NTRK2: variants seen among roughly 807,000 people sequenced by gnomAD.
The protein encoded by NTRK2 is BDNF/NT-3 growth factors receptor.
In NTRK2, 13 loss-of-function variants were observed where a neutral mutation model predicts 94.5. The ratio of observed to expected loss-of-function variants is 0.14; its 90% CI spans 0.09 to 0.22. The LOEUF (loss-of-function observed/expected upper bound fraction) is 0.22. Ranked by LOEUF, NTRK2 falls within the 10% of genes least tolerant of loss-of-function variation. The pLI, the probability that NTRK2 is intolerant of heterozygous loss-of-function variation, is 1.00. For missense variants in NTRK2, 639 were observed against 1,071.2 expected (o/e 0.60, Z 5.63); for synonymous variants, 372 against 407.4 (o/e 0.91, Z 1.05).
chr9:84,947,063 C>G (rs2586567), intron 15 of NTRK2, among the ~76,000 whole-genome samples: 1 of 151,960 alleles, frequency 6.6e-6, no homozygotes, highest in Non-Finnish European at 1.5e-5. Context: ...TCAAGTGATT[C>G]TTCTACCTCA....
rs562576407 is a variant in NTRK2 at position 84,780,727 on chromosome 9, G to A, written c.1396+28642G>A. 6.6e-5 allele frequency among the ~76,000 whole-genome samples: 10 copies of A among 152,312 alleles called. No homozygotes were observed. The East Asian group carries it at 1.2e-3, about 18-fold the overall frequency. On this transcript the variant is annotated intron_variant, in intron 12 of 18. Coordinates refer to ENST00000277120, the MANE Select transcript of NTRK2 (RefSeq NM_006180.6). ...CTTCAAAGCTACCATCAGGGGTAGC[G>A]AATGGTGCTAGACCTCACTGGTCCA... is the stretch of plus-strand genomic sequence containing the variant.
chr9:84,763,956 T>C (rs2065822500), intron 12 of NTRK2, among the ~76,000 whole-genome samples: 1 of 152,176 alleles, frequency 6.6e-6, no homozygotes, highest in Non-Finnish European at 1.5e-5. Flanking sequence ...CCTCATTCTG[T>C]CTCTGTGTGA....
At chr9:84,729,219 C>T (rs1037211838) in intron 9 of NTRK2, among the ~76,000 whole-genome samples, 1 of 152,166 alleles carries the variant, frequency 6.6e-6, no homozygotes, top group African/African-American at 2.4e-5. Context: ...TTCACTAGAC[C>T]TCTTTTTAAA....
In NTRK2 at chr9:84,749,848, C is replaced by T. The variant is rs116285232; in HGVS notation, c.1297-2138C>T. On this transcript the variant is annotated intron_variant, in intron 11 of 18. Coordinates refer to ENST00000277120, the MANE Select transcript of NTRK2 (RefSeq NM_006180.6). ...TCTTAATCTCTACCCTATAATGCTT[C>T]TCACTATGAGATGGGTATATCAGTC... 8.8e-3 allele frequency among the ~76,000 whole-genome samples: 1,343 copies of T among 152,312 alleles called. 27 individuals carry two copies. The highest frequency in any genetic ancestry group is 0.03 in the African/African-American group (1,253 of 41,572).
At chr9:84,901,059 G>C (rs2076911737) in intron 14 of NTRK2, among the ~76,000 whole-genome samples, 1 of 152,082 alleles carries the variant, frequency 6.6e-6, no homozygotes, top group East Asian at 1.9e-4. Context: ...AAGGAAAATG[G>C]ATAACTACAG....
At chr9:84,875,564 C>T (rs1458140804) in intron 14 of NTRK2, 4 of 1,063,004 alleles carry the variant, frequency 3.8e-6, no homozygotes, top group Non-Finnish European at 4.6e-6. Context: ...TTTCAAAGAG[C>T]CGAGTATGCT....
At chr9:84,939,455 G>C (rs2078329542) in intron 15 of NTRK2, among the ~76,000 whole-genome samples, 1 of 152,158 alleles carries the variant, frequency 6.6e-6, no homozygotes, top group African/African-American at 2.4e-5. Context: ...ATGTGCCCTG[G>C]TGAACCAGAT....
At chr9:84,989,883 T>C (rs1220085867) in intron 17 of NTRK2, among the ~76,000 whole-genome samples, 3 of 152,244 alleles carry the variant, frequency 2.0e-5, no homozygotes, top group Non-Finnish European at 4.4e-5. Flanking sequence ...CTGAGAGTTT[T>C]TTCAAACCCA....
intron 12 of NTRK2, chr9:84,812,918 T>A (rs201422759): frequency 1.9e-6 from 2 of 1,033,026 alleles, no homozygotes; most frequent in Non-Finnish European, 2.3e-6. Flanking sequence ...CAGCAGGCTA[T>A]TAGAAAATTA....
At chr9:84,915,973 A>G (rs528572206) in intron 14 of NTRK2, among the ~76,000 whole-genome samples, 1 of 152,064 alleles carries the variant, frequency 6.6e-6, no homozygotes, top group African/African-American at 2.4e-5. Context: ...GGTTGATACA[A>G]CAGTTTAGAC....
At chr9:84,889,100 C>G (rs971926043) in intron 14 of NTRK2, among the ~76,000 whole-genome samples, 2 of 146,380 alleles carry the variant, frequency 1.4e-5, no homozygotes, top group Non-Finnish European at 3.0e-5. Context: ...ACGCCATTCT[C>G]CTGCCTCAGC....
chr9:85,011,269 T>A (rs972312687), intron 17 of NTRK2, among the ~76,000 whole-genome samples: 1 of 152,094 alleles, frequency 6.6e-6, no homozygotes, highest in Non-Finnish European at 1.5e-5. Context: ...AGATTTGGAT[T>A]CTGGACCAGA....
chr9:84,806,427 G>A (rs1825958564), intron 12 of NTRK2, among the ~76,000 whole-genome samples: 1 of 152,180 alleles, frequency 6.6e-6, no homozygotes, highest in African/African-American at 2.4e-5. Flanking sequence ...CAAAAGGGGT[G>A]TTTTAGGGAT....
At chr9:84,772,954 C>T (rs898801677) in intron 12 of NTRK2, among the ~76,000 whole-genome samples, 1 of 152,126 alleles carries the variant, frequency 6.6e-6, no homozygotes, top group African/African-American at 2.4e-5. Flanking sequence ...GTTGATACTG[C>T]AGGCACAGCA....
chr9:84,687,239 C>T (rs770910912), intron 2 of NTRK2, among the ~76,000 whole-genome samples: 5 of 152,108 alleles, frequency 3.3e-5, no homozygotes, highest in Non-Finnish European at 5.9e-5. Context: ...ATGGAACCAA[C>T]ATAAAATGTT....
At chr9:84,884,576 C>T (rs2076357375) in intron 14 of NTRK2, among the ~76,000 whole-genome samples, 1 of 152,192 alleles carries the variant, frequency 6.6e-6, no homozygotes. Context: ...GACATTTTTG[C>T]ATTTTGTCTA....
chr9:84,863,464 C>T (rs1412230134), intron 13 of NTRK2, among the ~76,000 whole-genome samples: 4 of 152,192 alleles, frequency 2.6e-5, no homozygotes, highest in Non-Finnish European at 1.5e-5. Context: ...TTCAAGTCCT[C>T]ATATGAATTT....
At chr9:85,004,879 C>T (rs940891508) in intron 17 of NTRK2, among the ~76,000 whole-genome samples, 2 of 152,130 alleles carry the variant, frequency 1.3e-5, no homozygotes, top group African/African-American at 4.8e-5. Flanking sequence ...GAGGGATTCT[C>T]CTACCCAGGT....
At chr9:84,798,494 GGCC>G (rs550190971) in intron 12 of NTRK2, among the ~76,000 whole-genome samples, 1 of 152,212 alleles carries the variant, frequency 6.6e-6, no homozygotes, top group Non-Finnish European at 1.5e-5. Context: ...CAATGACAGG[GGCC>G]CTGAGTCTGC....
Sources: gnomAD v4.1 joint callset for allele counts (sites outside exome capture counted in the v4.1 genomes callset) on GRCh38, gnomAD v4.1.1 for gene constraint, MANE v1.5 for transcripts, NCBI Gene and HGNC (gene_info 2026-07-23, HGNC 2026-07-21) for gene names.